C6orf141: variants seen among roughly 807,000 people sequenced by gnomAD.
C6orf141 encodes the protein chromosome 6 open reading frame 141.
For missense variants in C6orf141, 361 were observed against 335.8 expected (o/e 1.07, Z -0.59); for synonymous variants, 164 against 140.5 (o/e 1.17, Z -1.18).
Position 49,550,722 on chromosome 6 carries a change from G to A in C6orf141, c.-71G>A, listed in dbSNP as rs530522946. On this transcript the variant is annotated 5_prime_UTR_variant, in exon 1 of 1. Coordinates refer to ENST00000529246, the MANE Select transcript of C6orf141 (RefSeq NM_001145652.2). Reference sequence around the variant, plus strand: ...GGAGCTGCAGCAGAGGCCACACCCAGGGCTTGGTGGTCCCGCGCTTTCCGG... The same window carrying A: ...GGAGCTGCAGCAGAGGCCACACCCAAGGCTTGGTGGTCCCGCGCTTTCCGG... The A allele has an allele frequency of 1.4e-4, 181 of 1,330,444 alleles. 2 individuals carry two copies. The African/African-American group carries it at 2.5e-3, about 18-fold the overall frequency. 82.4% of individuals were successfully genotyped at this position (1,330,444 alleles called of 1,614,324 possible). A position where few individuals can be genotyped will look rare whatever the true frequency, so the allele number is the denominator to read the frequency against.
At chr6:49,560,675 T>G (rs886102005) in intron 4 of C6orf141, 11 of 152,218 alleles carry the variant, frequency 7.2e-5, no homozygotes, top group African/African-American at 2.2e-4. Context: ...CTAATTTTTG[T>G]ACTTTTAGTA....
Position 49,551,087 on chromosome 6 carries a change from T to C in C6orf141, c.295T>C (p.Leu99=), listed in dbSNP as rs1770369558. The C allele has an allele frequency of 9.7e-6, 15 of 1,551,412 alleles. No homozygotes were observed. Among genetic ancestry groups the C allele is most frequent in the Non-Finnish European group, 1.2e-5 (14 of 1,146,922 alleles). Residue 99 remains leucine, a synonymous_variant, in exon 1 of 1, where the codon TTA becomes CTA. Coordinates refer to ENST00000529246, the MANE Select transcript of C6orf141 (RefSeq NM_001145652.2). ...CTTTCTCCTGCACCCAGAGAGGTGG[T>C]TAGGGACTCGAGGGGACCCTGCACG... ...VLFLLHPERW[L]GTRGDPAREE...
intron 4 of C6orf141, among the ~76,000 whole-genome samples, chr6:49,558,462 G>C (rs1324428668): frequency 6.6e-6 from 1 of 150,682 alleles, no homozygotes. Flanking sequence ...ACCAAGTCCT[G>C]ACCTTTTGAG....
Position 49,550,861 on chromosome 6 carries a change from C to T in C6orf141, c.69C>T (p.Ser23=), listed in dbSNP as rs1473774343. The stretch of plus-strand genomic sequence containing the variant: ...GAGCTGCGAATCCCATGGACTCCTC[C>T]CGCAGCCTGGGGGACCTCGGGCCTT... The part of the protein sequence containing the change: ...PQGAANPMDS[S]RSLGDLGPFP... Residue 23 remains serine (S), a synonymous_variant, in exon 1 of 1, where the codon TCC becomes TCT. Transcript: ENST00000529246. 3 of 1,502,056 alleles carry T rather than the reference C, an allele frequency of 2.0e-6. No homozygotes were observed. The highest frequency in any genetic ancestry group is 4.9e-5 in the East Asian group (2 of 40,530). 93.0% of individuals were successfully genotyped at this position (1,502,056 alleles called of 1,614,324 possible).
Position 49,551,336 on chromosome 6 carries a change from A to T in C6orf141, c.544A>T (p.Thr182Ser). 6.4e-7 allele frequency: 1 copy of T among 1,551,702 alleles called. No individual in the cohort carries two copies. Residue 182 changes from threonine (T) to serine (S), a missense_variant, in exon 1 of 1, where the codon ACC becomes TCC. By Grantham distance (58) the Thr-to-Ser change is moderately conservative. Coordinates refer to ENST00000529246, the MANE Select transcript of C6orf141 (RefSeq NM_001145652.2). Reference sequence around the variant, plus strand: ...GACCTCCTGGGCCAAGGGTCGCATGACCACGAGGACTGAGGAGCACTTCGT... The same window carrying T: ...GACCTCCTGGGCCAAGGGTCGCATGTCCACGAGGACTGAGGAGCACTTCGT... ...LQTSWAKGRM[T>S]TRTEEHFVTA...
chr6:49,561,356 C>T (rs1157212113), intron 4 of C6orf141, among the ~76,000 whole-genome samples: 1 of 152,164 alleles, frequency 6.6e-6, no homozygotes, highest in East Asian at 1.9e-4. Context: ...GCCTTGGCCT[C>T]CCAAAGTGCT....
Position 49,551,154 on chromosome 6 carries a change from G to C in C6orf141, c.362G>C (p.Gly121Ala). Residue 121 changes from glycine (G) to alanine (A), a missense_variant, in exon 1 of 1, where the codon GGA (glycine) becomes GCA (alanine). Physicochemically the swap from Gly to Ala is moderately conservative, Grantham distance 60 (BLOSUM62 0). Transcript: ENST00000529246. ...GCAGAGGACCTTCCTCATGCGGGTGGAGAGGACCACGGCGAGGAGCCCAAC... is the reference window on the plus strand; with the variant it reads ...GCAGAGGACCTTCCTCATGCGGGTGCAGAGGACCACGGCGAGGAGCCCAAC... ...AGAEDLPHAG[G>A]EDHGEEPNYP... The C allele has an allele frequency of 4.5e-6, 7 of 1,551,718 alleles. No homozygotes were observed. The highest frequency in any genetic ancestry group is 6.1e-6 in the Non-Finnish European group (7 of 1,147,000).
chr6:49,561,777 T>G (rs960789410), exon 5 of C6orf141: 1 of 152,004 alleles, frequency 6.6e-6, no homozygotes, highest in African/African-American at 2.4e-5. Flanking sequence ...CTGAAACTCC[T>G]TGGCTTAAGT....
At chr6:49,555,242 T>C (rs191777065), downstream of C6orf141, 1 of 152,336 alleles carries the variant, frequency 6.6e-6, no homozygotes, top group East Asian at 1.9e-4. Flanking sequence ...CTGCTTATTT[T>C]TGTTGGATGT....
chr6:49,555,665 C>T (rs1366656708), downstream of C6orf141, among the ~76,000 whole-genome samples: 6 of 152,132 alleles, frequency 3.9e-5, no homozygotes, highest in South Asian at 2.1e-4. Flanking sequence ...CTCGCCATCA[C>T]GCCCGGCTAA....
chr6:49,561,887 A>G (rs1156412464), exon 5 of C6orf141: 1 of 151,394 alleles, frequency 6.6e-6, no homozygotes, highest in African/African-American at 2.4e-5. Context: ...TAAGGAATGA[A>G]GAAAATAAAA....
rs1770203092 is a variant in C6orf141, at chr6:49,550,675, A to G, written c.-118A>G. ...TTAGCCTGGGGCTGATCTAGTCTTC[A>G]GCTTTCACCGGCTGGGAGTCCGGAG... On this transcript the variant is annotated 5_prime_UTR_variant, in exon 1 of 1. Coordinates refer to ENST00000529246, the MANE Select transcript of C6orf141 (RefSeq NM_001145652.2). 2.1e-6 allele frequency: 2 copies of G among 932,474 alleles called. No homozygotes were observed. The highest frequency in any genetic ancestry group is 1.7e-5 in the African/African-American group (1 of 57,766). 57.8% of individuals were successfully genotyped at this position (932,474 alleles called of 1,614,324 possible). A position where few individuals can be genotyped will look rare whatever the true frequency, so the allele number is the denominator to read the frequency against.
At chr6:49,554,799 G>C (rs1339543538), downstream of C6orf141, 1 of 152,096 alleles carries the variant, frequency 6.6e-6, no homozygotes, top group Non-Finnish European at 1.5e-5. Flanking sequence ...CATGTTTATA[G>C]ATTTCATTTA....
In C6orf141 at chr6:49,551,472, C is replaced by G; in HGVS notation, c.680C>G (p.Ala227Gly). The G allele has an allele frequency of 6.4e-7, 1 of 1,551,524 alleles. No homozygotes were observed. Among genetic ancestry groups the G allele is most frequent in the Non-Finnish European group, 8.7e-7 (1 of 1,146,986 alleles). ...ACAGGGGCATCCCGCGTCCACGCCG[C>G]GGGGAGGAGGGTTTCACCGTCTCCA... ...ARTGASRVHAAGRRVSPSPGT... is the reference protein window; with the variant it reads ...ARTGASRVHAGGRRVSPSPGT... The change falls in exon 1 of 1, where the codon GCG (alanine) becomes GGG (glycine). Residue 227 changes from alanine to glycine, a missense_variant. Coordinates refer to ENST00000529246, the MANE Select transcript of C6orf141 (RefSeq NM_001145652.2).
intron 4 of C6orf141, among the ~76,000 whole-genome samples, chr6:49,560,199 C>T (rs373825492): frequency 4.8e-4 from 73 of 152,130 alleles, no homozygotes; most frequent in African/African-American, 1.7e-3. Context: ...CCTGTAATCC[C>T]AGCTACTCGG....
downstream of C6orf141, chr6:49,554,746 A>AT (rs1486274551): frequency 1.3e-5 from 2 of 151,934 alleles, no homozygotes; most frequent in African/African-American, 2.4e-5. Context: ...ATGAAAATTT[A>AT]TTTTTAAAGT....
At chr6:49,560,500 C>G (rs1003274592) in intron 4 of C6orf141, 1 of 152,182 alleles carries the variant, frequency 6.6e-6, no homozygotes, top group African/African-American at 2.4e-5. Context: ...AATGATAAAG[C>G]CAGACTAAAA....
chr6:49,554,989 A>G (rs1771519306), downstream of C6orf141: 1 of 152,180 alleles, frequency 6.6e-6, no homozygotes, highest in Non-Finnish European at 1.5e-5. Context: ...CTCAATACTA[A>G]GAAATCTCTG....
At chr6:49,556,395 G>A (rs9473591), downstream of C6orf141, among the ~76,000 whole-genome samples, 42,029 of 152,056 alleles carry the variant, frequency 0.28, 6,221 homozygotes, top group Admixed American at 0.41. Flanking sequence ...GTAAATTGGC[G>A]AAGAGATCTC....
Sources: gnomAD v4.1 joint callset for allele counts (sites outside exome capture counted in the v4.1 genomes callset) on GRCh38, gnomAD v4.1.1 for gene constraint, MANE v1.5 for transcripts, NCBI Gene and HGNC (gene_info 2026-07-23, HGNC 2026-07-21) for gene names.